The following MIB1 variants were observed in gnomAD, a reference collection of about 807,000 sequenced individuals.
MIB1 encodes E3 ubiquitin-protein ligase MIB1.
MIB1 carries 278 observed loss-of-function variants against 124.5 expected under a neutral mutation model. The ratio of observed to expected loss-of-function variants is 2.23; its 90% CI spans 2.02 to 2.47. The LOEUF (loss-of-function observed/expected upper bound fraction) is 2.47. Ranked by LOEUF, MIB1 falls within the 30% of genes most tolerant of loss-of-function variation. MIB1 has a pLI of 0.00. For synonymous variants in MIB1, 446 were observed against 429.4 expected, an observed-to-expected ratio of 1.04 and a Z score of -0.48; for missense variants, 957 against 1,254.4, an observed-to-expected ratio of 0.76 and a Z score of 3.58.
At chr18:21,759,417 A>C (rs148555326) in intron 1 of MIB1, among the ~76,000 whole-genome samples, 5 of 151,564 alleles carry the variant, frequency 3.3e-5, no homozygotes, top group African/African-American at 4.8e-5. Context: ...TAATTTTTGT[A>C]TTTTTAATAG....
At chr18:21,847,349 T>C (rs148241562) in intron 16 of MIB1, among the ~76,000 whole-genome samples, 6 of 152,328 alleles carry the variant, frequency 3.9e-5, no homozygotes, top group Non-Finnish European at 7.3e-5. Context: ...TGCAATGCTC[T>C]ATACTTAATA....
At chr18:21,821,764 AATTT>A (rs1301502566) in intron 12 of MIB1, among the ~76,000 whole-genome samples, 1 of 151,658 alleles carries the variant, frequency 6.6e-6, no homozygotes, top group Non-Finnish European at 1.5e-5. Flanking sequence ...ATGCCCGGCT[AATTT>A]TTTTTGTATT....
chr18:21,815,268 A>G (rs919173612), intron 10 of MIB1, among the ~76,000 whole-genome samples: 1 of 151,586 alleles, frequency 6.6e-6, no homozygotes, highest in South Asian at 2.1e-4. Context: ...TCCTTGGCTC[A>G]AGCAATCCTC....
chr18:21,863,807 C>T (rs2042297379), intron 20 of MIB1, among the ~76,000 whole-genome samples: 1 of 152,032 alleles, frequency 6.6e-6, no homozygotes, highest in South Asian at 2.1e-4. Context: ...AGATCAAGAC[C>T]ATCCTGACCA....
chr18:21,786,013 T>C (rs181240910), intron 6 of MIB1, among the ~76,000 whole-genome samples: 189 of 152,204 alleles, frequency 1.2e-3, no homozygotes, highest in Non-Finnish European at 2.4e-3. Context: ...TATTTCCTTC[T>C]CTTCTATTGC....
chr18:21,756,488 GAA>G (rs1598594310), intron 1 of MIB1, among the ~76,000 whole-genome samples: 2 of 151,524 alleles, frequency 1.3e-5, no homozygotes, highest in East Asian at 3.9e-4. Context: ...TTTTTGAGAT[GAA>G]ATCTTGCTCT....
intron 12 of MIB1, chr18:21,826,470 C>T (rs2041925341): frequency 6.6e-6 from 1 of 152,044 alleles, no homozygotes; most frequent in Non-Finnish European, 1.5e-5. Flanking sequence ...TAATTTAACC[C>T]TTTTAAAGGT....
At chr18:21,722,253 A>G (rs2040719026) in intron 1 of MIB1, among the ~76,000 whole-genome samples, 1 of 151,644 alleles carries the variant, frequency 6.6e-6, no homozygotes, top group Admixed American at 6.6e-5. Context: ...ATAGCGTTTC[A>G]CCATGTTGGC....
Position 21,732,313 on chromosome 18 carries a change from G to A in MIB1, n.167+27190G>A, listed in dbSNP as rs192836468. Among the ~76,000 whole-genome samples the A allele has an allele frequency of 4.0e-3, 608 of 150,546 alleles. 2 individuals are homozygous for A. Among genetic ancestry groups the A allele is most frequent in the Non-Finnish European group, 6.1e-3 (411 of 67,720 alleles). On this transcript the variant is annotated intron_variant and non_coding_transcript_variant, in intron 1 of 20. Coordinates refer to the MIB1 transcript ENST00000578646. ...TCTGCACTCTAGCCTGGGCAACAGCGTAAGCCTCCATCTAAAAAAATATAT... is the reference window on the plus strand; with the variant it reads ...TCTGCACTCTAGCCTGGGCAACAGCATAAGCCTCCATCTAAAAAAATATAT...
At chr18:21,797,999 ATTACT>A (rs1389646515) in intron 7 of MIB1, 80 bp from the exon 8 acceptor site, 40 of 1,310,678 alleles carry the variant, frequency 3.1e-5, no homozygotes, top group Non-Finnish European at 3.7e-5. Flanking sequence ...AAGTAAAATC[ATTACT>A]TTAAGCATAT....
rs1453097932 is a variant in MIB1, at chr18:21,819,602, TG to T, written c.1787del (p.Gly596AspfsTer10). On this transcript the variant is annotated frameshift_variant, in exon 12 of 21. Coordinates refer to ENST00000261537, the MANE Select transcript of MIB1 (RefSeq NM_020774.4). LOFTEE classifies it high-confidence loss of function. ...GADVTITNNN[G>X]FNALHHAALR... ...CAGATGTTACCATCACAAACAATAA[TG>T]GATTTAATGCTCTGCATCATGCTGC... 6.2e-7 allele frequency: 1 copy of T among 1,611,996 alleles called. No homozygotes were observed. Among genetic ancestry groups the T allele is most frequent in the Non-Finnish European group, 8.5e-7 (1 of 1,179,000 alleles).
At chr18:21,724,711 CCA>C (rs1491268725) in intron 1 of MIB1, among the ~76,000 whole-genome samples, 2 of 13,552 alleles carry the variant, frequency 1.5e-4, no homozygotes, top group South Asian at 2.8e-3. Flanking sequence ...TCTCCCCCAT[CCA>C]AAAAAAAAAA....
At chr18:21,841,104 G>A (rs575472339) in intron 13 of MIB1, among the ~76,000 whole-genome samples, 2 of 152,244 alleles carry the variant, frequency 1.3e-5, no homozygotes, top group South Asian at 2.1e-4. Context: ...GGTGGCTCAT[G>A]CCTGTAATCC....
At chr18:21,823,582 G>T (rs1427514557) in intron 12 of MIB1, among the ~76,000 whole-genome samples, 1 of 152,074 alleles carries the variant, frequency 6.6e-6, no homozygotes, top group Non-Finnish European at 1.5e-5. Flanking sequence ...TTTTCTCATA[G>T]TATGATAGTA....
At chr18:21,822,960 G>T (rs770812837) in intron 12 of MIB1, among the ~76,000 whole-genome samples, 1 of 152,096 alleles carries the variant, frequency 6.6e-6, no homozygotes, top group Non-Finnish European at 1.5e-5. Flanking sequence ...TAGGCTGGGC[G>T]TGGTGGCTCA....
chr18:21,747,190 A>G (rs1428670272), intron 1 of MIB1, among the ~76,000 whole-genome samples: 2 of 152,242 alleles, frequency 1.3e-5, no homozygotes, highest in Admixed American at 6.5e-5. Context: ...AGGCTTCTGT[A>G]AAATGTCTTT....
At chr18:21,857,886 A>G (rs1424984409) in intron 19 of MIB1, among the ~76,000 whole-genome samples, 3 of 152,246 alleles carry the variant, frequency 2.0e-5, no homozygotes, top group Non-Finnish European at 4.4e-5. Flanking sequence ...GTGTGTAGCA[A>G]CTTCTGTCTG....
intron 12 of MIB1, 122 bp downstream of exon 12, chr18:21,819,768 T>C (rs1384286323): frequency 1.3e-5 from 8 of 597,496 alleles, no homozygotes; most frequent in Non-Finnish European, 2.0e-5. Context: ...CATTTTAAAG[T>C]TTTGTGAATA....
chr18:21,729,262 C>T (rs912070491), intron 1 of MIB1, among the ~76,000 whole-genome samples: 3 of 152,106 alleles, frequency 2.0e-5, no homozygotes, highest in Admixed American at 6.6e-5. Context: ...AGGAAGATGG[C>T]GTCATAGTCT....
Sources: gnomAD v4.1 joint callset for allele counts (sites outside exome capture counted in the v4.1 genomes callset) on GRCh38, gnomAD v4.1.1 for gene constraint, MANE v1.5 for transcripts, NCBI Gene and HGNC (gene_info 2026-07-23, HGNC 2026-07-21) for gene names.